C7: variants seen among roughly 807,000 people sequenced by gnomAD.
C7 encodes the protein complement component C7.
C7 carries 83 observed loss-of-function variants against 104.8 expected under a neutral mutation model. The observed-to-expected ratio is 0.79, with a 90% CI of 0.66 to 0.95. The LOEUF (loss-of-function observed/expected upper bound fraction) is 0.95, where lower values mean the gene tolerates loss of function less well. Among genes scored for constraint, C7 ranks in the 40% least tolerant of loss-of-function variants. The pLI is 0.00. For synonymous variants in C7, 415 were observed against 360.6 expected (o/e 1.15, Z -1.71); for missense variants, 1,070 against 1,011.2 (o/e 1.06, Z -0.79).
At position 40,934,376 on chromosome 5, in the gene C7, G is replaced by A. The variant is rs777815534; in HGVS notation, c.190G>A (p.Val64Ile). 6.2e-7 allele frequency: 1 copy of A among 1,613,724 alleles called. No individual in the cohort carries two copies. The highest frequency in any genetic ancestry group is 1.7e-5 in the Admixed American group (1 of 59,992). The change falls in exon 4 of 18, where the codon GTT (valine) becomes ATT (isoleucine). Residue 64 changes from valine (V) to isoleucine (I), a missense_variant. Transcript: ENST00000313164. ...TGGGCAGTATGGAGGCCAGCCTTGT[G>A]TTGGAAATGCTTTTGAAACACAGTC... ...VYGQYGGQPCVGNAFETQSCE... is the reference protein window; with the variant it reads ...VYGQYGGQPCIGNAFETQSCE...
Position 40,934,485 on chromosome 5 carries a change from G to C in C7, c.280+19G>C, listed in dbSNP as rs1739773321. ...TTTTCAGGTAACTTGTTTTCCATAG[G>C]CTCAGCATGCAGATTGTAAATTCAA... is the stretch of plus-strand genomic sequence containing the variant. On this transcript the variant is annotated intron_variant, in intron 4 of 17. Transcript: ENST00000313164. 1 of 1,611,514 alleles carries C rather than the reference G, an allele frequency of 6.2e-7. No individual in the cohort carries two copies. Among genetic ancestry groups the C allele is most frequent in the South Asian group, 1.1e-5 (1 of 90,758 alleles).
intron 6 of C7, among the ~76,000 whole-genome samples, chr5:40,939,672 T>C (rs1398666402): frequency 2.0e-5 from 3 of 152,244 alleles, no homozygotes; most frequent in Non-Finnish European, 4.4e-5. Context: ...AATATGTTCC[T>C]AATTCTTTCA....
At chr5:40,923,821 A>G (rs1166286255) in intron 1 of C7, among the ~76,000 whole-genome samples, 2 of 151,996 alleles carry the variant, frequency 1.3e-5, no homozygotes, top group Non-Finnish European at 2.9e-5. Context: ...GAGACTCACT[A>G]TTGCAAGGAT....
At chr5:40,964,702 G>T in intron 13 of C7, 39 bp from the exon 14 acceptor site, 1 of 1,591,996 alleles carries the variant, frequency 6.3e-7, no homozygotes, top group South Asian at 1.1e-5. Flanking sequence ...ATGCAAAATA[G>T]ACAAACTCTT....
At chr5:40,918,613 C>T (rs1401834527) in intron 1 of C7, among the ~76,000 whole-genome samples, 5 of 151,436 alleles carry the variant, frequency 3.3e-5, no homozygotes, top group South Asian at 2.1e-4. Flanking sequence ...AGATATTCCA[C>T]ATCAATAGAA....
Position 40,972,453 on chromosome 5 carries a change from CA to C in C7, c.1938del (p.Lys646AsnfsTer10), listed in dbSNP as rs35196116. On this transcript the variant is annotated frameshift_variant, in exon 15 of 18. Coordinates refer to ENST00000313164, the MANE Select transcript of C7 (RefSeq NM_000587.4). LOFTEE classifies it high-confidence loss of function. ...VLMDGIQSHP[Q>X]KPFYTVGEKV... ...GATGGATGGCATACAGAGTCACCCCCAAAAACCTTTCTACACAGTTGGTGAG... is the reference window on the plus strand; with the variant it reads ...GATGGATGGCATACAGAGTCACCCCCAAAACCTTTCTACACAGTTGGTGAG... 1 of 1,613,874 alleles carries C rather than the reference CA, an allele frequency of 6.2e-7. No individual in the cohort carries two copies. Among genetic ancestry groups the C allele is most frequent in the Non-Finnish European group, 8.5e-7 (1 of 1,179,792 alleles).
chr5:40,981,007 T>A (rs1740930033), intron 17 of C7, among the ~76,000 whole-genome samples: 2 of 152,230 alleles, frequency 1.3e-5, no homozygotes. Context: ...CAAAGCAAGT[T>A]AAGTTCTCTT....
intron 9 of C7, among the ~76,000 whole-genome samples, chr5:40,951,517 C>G (rs1740169956): frequency 6.6e-6 from 1 of 152,160 alleles, no homozygotes; most frequent in Non-Finnish European, 1.5e-5. Flanking sequence ...TGGGTACTTA[C>G]TCTCACTACC....
intron 16 of C7, among the ~76,000 whole-genome samples, chr5:40,978,971 C>T (rs1284141633): frequency 6.8e-6 from 1 of 147,048 alleles, no homozygotes; most frequent in African/African-American, 2.5e-5. Context: ...CCTCTGCCTC[C>T]TGGGTTCAAG....
At chr5:40,952,518 A>C (rs1321396957) in intron 9 of C7, among the ~76,000 whole-genome samples, 1 of 149,316 alleles carries the variant, frequency 6.7e-6, no homozygotes, top group Non-Finnish European at 1.5e-5. Flanking sequence ...ATTATACTTT[A>C]AGTTCTAGGG....
At chr5:40,947,535 G>C (rs1740075820) in intron 7 of C7, 67 bp from the exon 8 acceptor site, 1 of 1,552,670 alleles carries the variant, frequency 6.4e-7, no homozygotes, top group East Asian at 2.3e-5. Context: ...GTATTGAACA[G>C]AGAACTATTT....
chr5:40,961,507 C>A (rs981898390), intron 12 of C7, among the ~76,000 whole-genome samples: 5 of 151,938 alleles, frequency 3.3e-5, no homozygotes, highest in African/African-American at 1.2e-4. Flanking sequence ...GCCTCAGCCT[C>A]CTAAGTGGCT....
chr5:40,919,314 G>A (rs1474530042), intron 1 of C7, among the ~76,000 whole-genome samples: 1 of 151,888 alleles, frequency 6.6e-6, no homozygotes, highest in East Asian at 1.9e-4. Context: ...TAGTAGAGAC[G>A]GGGTTTCACC....
intron 4 of C7, among the ~76,000 whole-genome samples, chr5:40,936,040 A>G (rs1290502423): frequency 6.6e-6 from 1 of 152,200 alleles, no homozygotes; most frequent in African/African-American, 2.4e-5. Flanking sequence ...TTTTCTCAGT[A>G]GTCGGAATTA....
At chr5:40,938,511 C>G (rs566145090) in intron 6 of C7, among the ~76,000 whole-genome samples, 2 of 152,204 alleles carry the variant, frequency 1.3e-5, no homozygotes, top group East Asian at 3.9e-4. Flanking sequence ...TACAAATGAA[C>G]TAGAGCTTCT....
chr5:40,957,969 A>G lies in C7; in HGVS notation c.1261-64A>G. On this transcript the variant is annotated intron_variant, in intron 10 of 17. Transcript: ENST00000313164. ...GTTTTAATGAGAGTCGTGCCTAAAC[A>G]TGAAAAGCAAAATATTCTTGCCTAA... 9.8e-6 allele frequency: 12 copies of G among 1,219,498 alleles called. No individual in the cohort carries two copies. In the South Asian group the frequency reaches 1.2e-4, roughly 13 times the overall value. 75.5% of individuals were successfully genotyped at this position (1,219,498 alleles called of 1,614,324 possible).
chr5:40,954,889 A>AAAAAAAAG, intron 9 of C7: 1 of 284,590 alleles, frequency 3.5e-6, no homozygotes, highest in Non-Finnish European at 6.7e-6. Flanking sequence ...AAAAAAAAAA[A>AAAAAAAAG]AAAAAAAAAA....
chr5:40,972,657 G>A (rs1335868655), intron 15 of C7, 63 bp downstream of exon 15: 24 of 1,331,988 alleles, frequency 1.8e-5, no homozygotes, highest in Non-Finnish European at 2.5e-5. Context: ...TCCTTGTGGC[G>A]ACCTTCATGG....
At chr5:40,953,700 GTTAACAATAAT>G (rs1329076018) in intron 9 of C7, among the ~76,000 whole-genome samples, 3 of 149,786 alleles carry the variant, frequency 2.0e-5, no homozygotes. Context: ...GGTGGCTATA[GTTAACAATAAT>G]TTATTGTATA....
Sources: gnomAD v4.1 joint callset for allele counts (sites outside exome capture counted in the v4.1 genomes callset) on GRCh38, gnomAD v4.1.1 for gene constraint, MANE v1.5 for transcripts, NCBI Gene and HGNC (gene_info 2026-07-23, HGNC 2026-07-21) for gene names.